STOX2: variants seen among roughly 807,000 people sequenced by gnomAD.
STOX2 encodes the protein storkhead-box protein 2.
In STOX2, 28 loss-of-function variants were observed where a neutral mutation model predicts 60.9. That is an observed-to-expected ratio of 0.46 (90% CI 0.34 to 0.63). STOX2 has a LOEUF of 0.63. STOX2 is among the 30% of genes least tolerant of loss of function. STOX2 has a pLI of 0.01. For synonymous variants in STOX2, 472 were observed against 463.9 expected (o/e 1.02, Z -0.22); for missense variants, 1,024 against 1,187.7 (o/e 0.86, Z 2.03).
intron 1 of STOX2, among the ~76,000 whole-genome samples, chr4:183,948,686 C>T (rs535607455): frequency 6.6e-6 from 1 of 151,932 alleles, no homozygotes; most frequent in African/African-American, 2.4e-5. Flanking sequence ...CACCCACCAC[C>T]ACACCTGGCT....
intron 1 of STOX2, among the ~76,000 whole-genome samples, chr4:183,867,072 T>A (rs1279886931): frequency 6.6e-6 from 1 of 152,166 alleles, no homozygotes; most frequent in East Asian, 1.9e-4. Context: ...GAAGGATCTG[T>A]GTCCAAGCTT....
intron 1 of STOX2, among the ~76,000 whole-genome samples, chr4:183,838,211 A>G (rs915263041): frequency 6.6e-5 from 10 of 150,562 alleles, no homozygotes; most frequent in Non-Finnish European, 1.3e-4. Context: ...CAATACATAT[A>G]TTGAAATACT....
chr4:183,802,656 A>G (rs1561098204), intron 1 of STOX2, among the ~76,000 whole-genome samples: 2 of 148,798 alleles, frequency 1.3e-5, no homozygotes, highest in South Asian at 2.1e-4. Context: ...CCCAGGCTGG[A>G]GTGCAGTGGT....
intron 1 of STOX2, among the ~76,000 whole-genome samples, chr4:183,835,122 A>AT (rs113937383): frequency 0.012 from 1,755 of 141,110 alleles, 17 homozygotes; most frequent in Middle Eastern, 0.048. Flanking sequence ...CAAGTTACCT[A>AT]TTTTTTTTTT....
At chr4:183,879,545 A>C (rs569218338) in intron 1 of STOX2, among the ~76,000 whole-genome samples, 1 of 152,296 alleles carries the variant, frequency 6.6e-6, no homozygotes, top group East Asian at 1.9e-4. Context: ...TGTAGCCGTA[A>C]GTTAAGTGAG....
rs11347203 is a variant in STOX2, at chr4:183,893,109, C to CTT, written c.364+95066_364+95067dup. Among the ~76,000 whole-genome samples the CTT allele has an allele frequency of 2.3e-3, 340 of 145,942 alleles. 1 individual carries two copies. The highest frequency in any genetic ancestry group is 8.4e-3 in the African/African-American group (333 of 39,792). ...CCACCGTATCTCTGGGTCCAACTTT[C>CTT]TTTTTTTTTTTTTCCCCTCTCCCTC... On this transcript the variant is annotated intron_variant, in intron 1 of 2. Coordinates refer to the STOX2 transcript ENST00000513034.
chr4:183,998,457 G>C (rs561135035), intron 1 of STOX2, among the ~76,000 whole-genome samples: 22 of 152,314 alleles, frequency 1.4e-4, no homozygotes, highest in Admixed American at 2.6e-4. Flanking sequence ...CTGCGGTACG[G>C]AGGGCAGAGT....
intron 1 of STOX2, among the ~76,000 whole-genome samples, chr4:183,823,719 C>G (rs976559738): frequency 6.6e-6 from 1 of 152,188 alleles, no homozygotes; most frequent in Non-Finnish European, 1.5e-5. Context: ...GCCCATCTGG[C>G]GGAGGCTGCC....
chr4:183,860,577 G>A (rs1194321892), intron 1 of STOX2, among the ~76,000 whole-genome samples: 1 of 152,046 alleles, frequency 6.6e-6, no homozygotes, highest in African/African-American at 2.4e-5. Context: ...AAATGTATCG[G>A]GACTTGTAAA....
chr4:183,922,554 C>T (rs565030155), intron 1 of STOX2, among the ~76,000 whole-genome samples: 3 of 152,146 alleles, frequency 2.0e-5, no homozygotes, highest in East Asian at 3.9e-4. Context: ...CCATCTTGGC[C>T]AGGCTGGTCT....
At position 184,001,591 on chromosome 4, in the gene STOX2, A is replaced by C; in HGVS notation, c.319+114A>C. The C allele has an allele frequency of 2.0e-6, 2 of 1,022,094 alleles. No homozygotes were observed. Among genetic ancestry groups the C allele is most frequent in the Non-Finnish European group, 2.7e-6 (2 of 745,404 alleles). 63.3% of individuals were successfully genotyped at this position (1,022,094 alleles called of 1,614,324 possible). On this transcript the variant is annotated intron_variant, in intron 2 of 3. Coordinates refer to ENST00000308497, the MANE Select transcript of STOX2 (RefSeq NM_020225.3). The surrounding 1 kb of genome is among the most constrained non-coding windows in gnomAD (Gnocchi z 4.2). ...GAGAATAGGAAAACATTCTTCCCCA[A>C]AACTGACCCGAAGCTTTCCTTACTT...
intron 1 of STOX2, among the ~76,000 whole-genome samples, chr4:183,956,121 G>A (rs978805631): frequency 6.6e-6 from 1 of 152,214 alleles, no homozygotes; most frequent in African/African-American, 2.4e-5. Context: ...TGTATTAGAT[G>A]AAGGAATAGG....
intron 1 of STOX2, among the ~76,000 whole-genome samples, chr4:183,921,246 A>G (rs779090929): frequency 1.6e-4 from 25 of 152,224 alleles, no homozygotes; most frequent in Non-Finnish European, 2.9e-4. Context: ...AAGAAGTTCT[A>G]TGGGTTTGCA....
intron 1 of STOX2, among the ~76,000 whole-genome samples, chr4:183,881,346 CA>C (rs921436028): frequency 2.6e-5 from 4 of 151,872 alleles, no homozygotes; most frequent in Admixed American, 6.6e-5. Context: ...ACTAAAAATA[CA>C]AAAAAAATTA....
intron 1 of STOX2, among the ~76,000 whole-genome samples, chr4:183,925,160 G>A (rs1253681351): frequency 1.3e-5 from 2 of 152,134 alleles, no homozygotes. Flanking sequence ...TCTCCTTTGG[G>A]GGTTTGTTCC....
At chr4:183,852,368 GGAAAGGATGAGA>G (rs1740169547) in intron 1 of STOX2, among the ~76,000 whole-genome samples, 1 of 63,250 alleles carries the variant, frequency 1.6e-5, no homozygotes, top group African/African-American at 6.4e-5. Context: ...AAACGATGAG[GGAAAGGATGAGA>G]GAAAGGATGA....
intron 1 of STOX2, among the ~76,000 whole-genome samples, chr4:183,927,638 C>T (rs1742282992): frequency 6.6e-6 from 1 of 151,896 alleles, no homozygotes; most frequent in Admixed American, 6.6e-5. Context: ...TTTTTCAGTG[C>T]ACATATTACT....
chr4:183,906,970 C>T lies in STOX2; in HGVS notation c.166+14C>T, dbSNP rs1402917351. On this transcript the variant is annotated intron_variant, in intron 1 of 3. Transcript: ENST00000308497. ...ACATGACATCAGGTTGGTTGGTGAC[C>T]GCGTTTCTGCCCCCGGGCCGGGGCC... 2.0e-6 allele frequency: 3 copies of T among 1,513,492 alleles called. No individual in the cohort carries two copies. Among genetic ancestry groups the T allele is most frequent in the African/African-American group, 1.4e-5 (1 of 71,736 alleles). 93.8% of individuals were successfully genotyped at this position (1,513,492 alleles called of 1,614,324 possible). A position where few individuals can be genotyped will look rare whatever the true frequency, so the allele number is the denominator to read the frequency against.
chr4:183,895,386 A>G (rs1268875096), intron 1 of STOX2, among the ~76,000 whole-genome samples: 1 of 152,316 alleles, frequency 6.6e-6, no homozygotes, highest in East Asian at 1.9e-4. Context: ...GCTGGGAACC[A>G]TAGCACTGAA....
Sources: gnomAD v4.1 joint callset for allele counts (sites outside exome capture counted in the v4.1 genomes callset) on GRCh38, gnomAD v4.1.1 for gene constraint, Gnocchi (gnomAD v3.1) non-coding constraint, MANE v1.5 for transcripts, NCBI Gene and HGNC (gene_info 2026-07-23, HGNC 2026-07-21) for gene names.